The following NR3C2 variants were observed in gnomAD, a reference collection of about 807,000 sequenced individuals.
NR3C2 encodes nuclear receptor subfamily 3 group C member 2, also known as mineralocorticoid receptor.
In NR3C2, 15 loss-of-function variants were observed where a neutral mutation model predicts 86.4. That is an observed-to-expected ratio of 0.17 (90% CI 0.12 to 0.27). NR3C2 has a LOEUF of 0.27. Among genes scored for constraint, NR3C2 ranks in the 10% least tolerant of loss-of-function variants. NR3C2 has a pLI of 1.00. For synonymous variants in NR3C2, 458 were observed against 450.5 expected (o/e 1.02, Z -0.21); for missense variants, 960 against 1,195.6 (o/e 0.80, Z 2.91).
chr4:148,299,337 C>T (rs554144007), intron 2 of NR3C2, among the ~76,000 whole-genome samples: 1 of 152,264 alleles, frequency 6.6e-6, no homozygotes, highest in East Asian at 1.9e-4. Context: ...TGGACTTCTT[C>T]TGAGGGTAGA....
intron 6 of NR3C2, among the ~76,000 whole-genome samples, chr4:148,149,770 G>A (rs889025687): frequency 1.3e-5 from 2 of 152,064 alleles, no homozygotes; most frequent in African/African-American, 4.8e-5. Flanking sequence ...TTCTACAGAG[G>A]AGATATACAA....
intron 2 of NR3C2, among the ~76,000 whole-genome samples, chr4:148,280,667 T>C (rs1346317957): frequency 1.3e-5 from 2 of 151,974 alleles, no homozygotes; most frequent in Admixed American, 1.3e-4. Context: ...CCTAACTAAT[T>C]TTTTTATTTT....
At chr4:148,292,494 C>A (rs891622224) in intron 2 of NR3C2, among the ~76,000 whole-genome samples, 10 of 151,956 alleles carry the variant, frequency 6.6e-5, no homozygotes, top group African/African-American at 2.4e-4. Flanking sequence ...AAGAAAAATT[C>A]TAATATTTTA....
At chr4:148,143,728 CTCAGG>C (rs1473900948) in intron 6 of NR3C2, among the ~76,000 whole-genome samples, 3 of 151,962 alleles carry the variant, frequency 2.0e-5, no homozygotes, top group Admixed American at 1.3e-4. Context: ...GGTGGATCAC[CTCAGG>C]TCAGGAGTTC....
At chr4:148,209,258 A>G (rs200788059) in intron 3 of NR3C2, among the ~76,000 whole-genome samples, 3 of 152,050 alleles carry the variant, frequency 2.0e-5, no homozygotes, top group South Asian at 2.1e-4. Context: ...AAAAAAAAAA[A>G]AAAGAAAAAG....
chr4:148,086,436 T>C (rs1238322725), intron 8 of NR3C2, among the ~76,000 whole-genome samples: 1 of 152,214 alleles, frequency 6.6e-6, no homozygotes, highest in African/African-American at 2.4e-5. Context: ...CATGGCTTCA[T>C]GCTAAAAACT....
intron 3 of NR3C2, among the ~76,000 whole-genome samples, chr4:148,206,710 T>C (rs1361957529): frequency 1.3e-5 from 2 of 152,120 alleles, no homozygotes; most frequent in African/African-American, 2.4e-5. Context: ...GTGTGGGATA[T>C]TGAGCTGCAA....
At chr4:148,315,279 G>A (rs1743112883) in intron 2 of NR3C2, among the ~76,000 whole-genome samples, 1 of 152,156 alleles carries the variant, frequency 6.6e-6, no homozygotes, top group African/African-American at 2.4e-5. Context: ...ACTCTTGGTG[G>A]TTGGAAGCTG....
chr4:148,111,585 CAATAGGTGACTGCACA>C (rs1732047417), intron 8 of NR3C2, among the ~76,000 whole-genome samples: 1 of 152,174 alleles, frequency 6.6e-6, no homozygotes, highest in Non-Finnish European at 1.5e-5. Flanking sequence ...AAACAACCAT[CAATAGGTGACTGCACA>C]AATTAATTGG....
rs1578858497 is a variant in NR3C2 at position 148,080,870 on chromosome 4, T to TTA, written c.*473_*474insTA. On this transcript the variant is annotated 3_prime_UTR_variant, in exon 9 of 9. Transcript: ENST00000358102. ...CACAACAGGAATCTGTATATATTTT[T>TTA]TTATTATTTTTTTGTGTTTTTTTAA... 15 of 367,534 alleles carry TTA rather than the reference T, an allele frequency of 4.1e-5. No individual in the cohort carries two copies. The East Asian group carries it at 1.1e-3, about 26-fold the overall frequency. 22.8% of individuals were successfully genotyped at this position (367,534 alleles called of 1,614,324 possible). A position where few individuals can be genotyped will look rare whatever the true frequency, so the allele number is the denominator to read the frequency against.
intron 2 of NR3C2, among the ~76,000 whole-genome samples, chr4:148,294,823 T>TA (rs987056994): frequency 3.6e-4 from 54 of 150,296 alleles, no homozygotes; most frequent in Non-Finnish European, 5.3e-4. Flanking sequence ...CAAAAAAAAA[T>TA]AAAAAAAATA....
chr4:148,321,811 T>A lies in NR3C2; in HGVS notation c.1758-61694A>T, dbSNP rs1347017094. ...TGGGTTTCCTGAATACAGCACACTG[T>A]TGGGTCTTGACTCTTTATGCAATTT... On this transcript the variant is annotated intron_variant, in intron 2 of 8. Coordinates refer to ENST00000358102, the MANE Select transcript of NR3C2 (RefSeq NM_000901.5). 6.5e-3 allele frequency among the ~76,000 whole-genome samples: 989 copies of A among 152,270 alleles called. 11 individuals carry two copies. Among genetic ancestry groups the A allele is most frequent in the African/African-American group, 0.023 (941 of 41,530 alleles).
chr4:148,246,439 G>GA (rs1240612387), intron 3 of NR3C2, among the ~76,000 whole-genome samples: 1 of 152,152 alleles, frequency 6.6e-6, no homozygotes, highest in Non-Finnish European at 1.5e-5. Context: ...CACTACTGAA[G>GA]GTATCATATC....
At chr4:148,261,480 G>A (rs1740121237) in intron 2 of NR3C2, among the ~76,000 whole-genome samples, 3 of 152,216 alleles carry the variant, frequency 2.0e-5, no homozygotes, top group African/African-American at 7.2e-5. Flanking sequence ...GCACTATGGT[G>A]CAGGGTAACG....
chr4:148,101,797 C>A (rs1403650968), intron 8 of NR3C2, among the ~76,000 whole-genome samples: 2 of 152,138 alleles, frequency 1.3e-5, no homozygotes, highest in Non-Finnish European at 2.9e-5. Flanking sequence ...TACATACATC[C>A]CACCATTTAA....
At chr4:148,187,880 T>G (rs1051566216) in intron 4 of NR3C2, among the ~76,000 whole-genome samples, 1 of 152,226 alleles carries the variant, frequency 6.6e-6, no homozygotes, top group Non-Finnish European at 1.5e-5. Flanking sequence ...TTAATCCATC[T>G]TGAGTTGATT....
intron 4 of NR3C2, among the ~76,000 whole-genome samples, chr4:148,161,516 A>G (rs560934274): frequency 7.0e-4 from 107 of 151,910 alleles, no homozygotes; most frequent in Middle Eastern, 3.4e-3. Context: ...CACCTGGCTA[A>G]TTTTTTTTAA....
chr4:148,181,345 T>C (rs1160628859), intron 4 of NR3C2, among the ~76,000 whole-genome samples: 1 of 152,180 alleles, frequency 6.6e-6, no homozygotes, highest in African/African-American at 2.4e-5. Flanking sequence ...ATCCTTACAC[T>C]GTATTTTTCA....
chr4:148,372,490 A>C (rs1351349305), intron 2 of NR3C2, among the ~76,000 whole-genome samples: 1 of 152,202 alleles, frequency 6.6e-6, no homozygotes, highest in Non-Finnish European at 1.5e-5. Context: ...CCAAAGAGGC[A>C]TTCTTAACAT....
Sources: gnomAD v4.1 joint callset for allele counts (sites outside exome capture counted in the v4.1 genomes callset) on GRCh38, gnomAD v4.1.1 for gene constraint, MANE v1.5 for transcripts, NCBI Gene and HGNC (gene_info 2026-07-23, HGNC 2026-07-21) for gene names.